Variants in HHAT observed in about 807,000 individuals in gnomAD.
HHAT encodes the protein hedgehog acyltransferase.
In HHAT, 47 loss-of-function variants were observed where a neutral mutation model predicts 70.8. The observed-to-expected ratio is 0.66, with a 90% confidence interval of 0.53 to 0.85. The LOEUF is 0.85. Ranked by LOEUF, HHAT falls within the 40% of genes least tolerant of loss-of-function variation. The probability of loss-of-function intolerance (pLI) is 0.00; values close to 1 mark genes in which losing one functional copy is unlikely to be tolerated. For missense variants in HHAT, 609 were observed against 604.8 expected (o/e 1.01, Z -0.07); for synonymous variants, 228 against 247.6 (o/e 0.92, Z 0.74).
intron 9 of HHAT, among the ~76,000 whole-genome samples, chr1:210,577,829 C>T (rs922235783): frequency 7.9e-5 from 12 of 151,060 alleles, no homozygotes; most frequent in African/African-American, 2.9e-4. Flanking sequence ...TATTTTTAGT[C>T]GAGACAGGGT....
intron 3 of HHAT, among the ~76,000 whole-genome samples, chr1:210,380,428 CT>C (rs2090542642): frequency 6.6e-6 from 1 of 152,110 alleles, no homozygotes; most frequent in Non-Finnish European, 1.5e-5. Context: ...GTAATTCCAA[CT>C]TCTTGGGAGC....
intron 7 of HHAT, among the ~76,000 whole-genome samples, chr1:210,449,354 A>G (rs1194544690): frequency 6.6e-6 from 1 of 151,500 alleles, no homozygotes; most frequent in Non-Finnish European, 1.5e-5. Flanking sequence ...TTGATTTCCC[A>G]GGTCTTCCTC....
At chr1:210,576,632 G>A (rs997139264) in intron 9 of HHAT, among the ~76,000 whole-genome samples, 4 of 151,906 alleles carry the variant, frequency 2.6e-5, no homozygotes, top group Non-Finnish European at 4.4e-5. Flanking sequence ...AAACCTGCAC[G>A]TTGTGCACAT....
intron 9 of HHAT, among the ~76,000 whole-genome samples, chr1:210,577,208 T>G (rs781370827): frequency 6.6e-6 from 1 of 152,210 alleles, no homozygotes; most frequent in East Asian, 1.9e-4. Context: ...GGCTAGTATT[T>G]CCAATACTAT....
intron 9 of HHAT, among the ~76,000 whole-genome samples, chr1:210,553,343 G>T (rs2095544011): frequency 6.6e-6 from 1 of 152,182 alleles, no homozygotes; most frequent in Non-Finnish European, 1.5e-5. Flanking sequence ...CTTTGAAAGG[G>T]TTGGGGTCAG....
intron 11 of HHAT, among the ~76,000 whole-genome samples, chr1:210,663,456 T>G (rs1426841144): frequency 2.6e-5 from 4 of 152,150 alleles, no homozygotes. Flanking sequence ...AGCCTTGAGT[T>G]CTAATGTCCA....
At chr1:210,555,018 C>A (rs879904892) in intron 9 of HHAT, among the ~76,000 whole-genome samples, 1 of 152,024 alleles carries the variant, frequency 6.6e-6, no homozygotes, top group African/African-American at 2.4e-5. Flanking sequence ...TTGGGCCTCC[C>A]GTGATAGAGG....
chr1:210,541,644 T>C lies in HHAT; in HGVS notation c.1043+28456T>C, dbSNP rs148373683. Among the ~76,000 whole-genome samples, 273 of 152,312 alleles carry C rather than the reference T, an allele frequency of 1.8e-3. 1 individual carries two copies. Among genetic ancestry groups the C allele is most frequent in the African/African-American group, 6.3e-3 (260 of 41,578 alleles). On this transcript the variant is annotated intron_variant, in intron 9 of 11. Transcript: ENST00000261458. ...TAGGAGGGTAAGGCAGGAGAATCACTTGAACCCGGGAGGCGGAGGTTGCAG... is the reference window on the plus strand; with the variant it reads ...TAGGAGGGTAAGGCAGGAGAATCACCTGAACCCGGGAGGCGGAGGTTGCAG...
chr1:210,573,928 G>A (rs933724830), intron 9 of HHAT, among the ~76,000 whole-genome samples: 12 of 152,222 alleles, frequency 7.9e-5, no homozygotes, highest in African/African-American at 2.9e-4. Flanking sequence ...AAATGAGAGG[G>A]ATGAAGGAAA....
At chr1:210,592,890 T>A (rs1458595458) in intron 10 of HHAT, among the ~76,000 whole-genome samples, 1 of 151,612 alleles carries the variant, frequency 6.6e-6, no homozygotes, top group Non-Finnish European at 1.5e-5. Flanking sequence ...TTTTTTTTTT[T>A]TTATTATACT....
chr1:210,634,081 T>C (rs1013756018), intron 11 of HHAT, among the ~76,000 whole-genome samples: 11 of 152,320 alleles, frequency 7.2e-5, no homozygotes, highest in African/African-American at 2.6e-4. Context: ...AATTTAACCT[T>C]TGTTTTAAAA....
At chr1:210,644,423 T>C (rs4951709) in intron 11 of HHAT, among the ~76,000 whole-genome samples, 142,513 of 151,846 alleles carry the variant, frequency 0.94, 67,327 homozygotes, top group Non-Finnish European at 1. Context: ...GCCAACATGG[T>C]GAAATCCCGT....
Position 210,418,187 on chromosome 1 carries a change from A to T in HHAT, c.718A>T (p.Ser240Cys), listed in dbSNP as rs2092781749. 1 of 1,614,066 alleles carries T rather than the reference A, an allele frequency of 6.2e-7. No individual in the cohort carries two copies. Among genetic ancestry groups the T allele is most frequent in the Non-Finnish European group, 8.5e-7 (1 of 1,180,026 alleles). The change falls in exon 7 of 12, where the codon AGC (serine) becomes TGC (cysteine). Residue 240 changes from serine (S) to cysteine (C), a missense_variant. Coordinates refer to ENST00000261458, the MANE Select transcript of HHAT (RefSeq NM_018194.6). ...QQQEHDSLKA[S>C]LCVLALGLGR... ...GCAGGAGCATGACTCCCTGAAGGCCAGCCTGTGTGTCCTGGCCCTGGGGCT... is the reference window on the plus strand; with the variant it reads ...GCAGGAGCATGACTCCCTGAAGGCCTGCCTGTGTGTCCTGGCCCTGGGGCT...
In HHAT at chr1:210,484,577, A is replaced by G. The variant is rs2094447102; in HGVS notation, c.1007+19922A>G. ...CATGCAAATACTCTGCTCTTTGTCA[A>G]AATGTCCCCCTAGACTTAGTGTTAT... On this transcript the variant is annotated intron_variant, in intron 8 of 11. Transcript: ENST00000261458. Among the ~76,000 whole-genome samples the G allele has an allele frequency of 2.0e-5, 3 of 152,124 alleles. No homozygotes were observed. In the South Asian group the frequency reaches 6.2e-4, roughly 32 times the overall value.
intron 7 of HHAT, among the ~76,000 whole-genome samples, chr1:210,452,758 T>TATGGTAAATCCATGGTAAATCC (rs542986054): frequency 6.6e-6 from 1 of 152,360 alleles, no homozygotes; most frequent in East Asian, 1.9e-4. Flanking sequence ...GGTGCTTCTC[T>TATGGTAAATCCATGGTAAATCC]ATGGTAAATC....
chr1:210,559,440 A>G (rs1391446136), intron 9 of HHAT, among the ~76,000 whole-genome samples: 2 of 152,238 alleles, frequency 1.3e-5, no homozygotes, highest in African/African-American at 4.8e-5. Flanking sequence ...AGCAGGATAT[A>G]GTAGCAAATC....
intron 9 of HHAT, among the ~76,000 whole-genome samples, chr1:210,513,414 C>T (rs1379588105): frequency 6.6e-6 from 1 of 152,128 alleles, no homozygotes; most frequent in African/African-American, 2.4e-5. Flanking sequence ...TGATAGTTAC[C>T]TAAGATCTTG....
chr1:210,379,620 T>C (rs2090481758), intron 3 of HHAT, among the ~76,000 whole-genome samples: 1 of 152,242 alleles, frequency 6.6e-6, no homozygotes, highest in South Asian at 2.1e-4. Context: ...TGAATTCTTA[T>C]ATTTTAACTA....
At chr1:210,475,891 C>CAGGGATTTTTTT (rs2094298519) in intron 8 of HHAT, among the ~76,000 whole-genome samples, 1 of 152,078 alleles carries the variant, frequency 6.6e-6, no homozygotes, top group African/African-American at 2.4e-5. Flanking sequence ...TTAGGATTAA[C>CAGGGATTTTTTT]TTATTTATTC....
Sources: allele counts gnomAD v4.1 joint callset (sites outside exome capture counted in the v4.1 genomes callset), GRCh38; gene constraint gnomAD v4.1.1; transcripts MANE v1.5; gene names NCBI Gene and HGNC (gene_info 2026-07-23, HGNC 2026-07-21).